PRKCH: variants seen among roughly 807,000 people sequenced by gnomAD.
PRKCH encodes protein kinase C eta type.
In PRKCH, 28 loss-of-function variants were observed where a neutral mutation model predicts 82.5. The observed-to-expected ratio is 0.34, with a 90% CI of 0.25 to 0.47. PRKCH has a LOEUF of 0.47. Ranked by LOEUF, PRKCH falls within the 20% of genes least tolerant of loss-of-function variation. PRKCH has a pLI of 1.00. For synonymous variants in PRKCH, 322 were observed against 327.4 expected (o/e 0.98, Z 0.18); for missense variants, 705 against 881.8 (o/e 0.80, Z 2.54).
At chr14:61,438,766 T>C (rs991947881) in intron 2 of PRKCH, among the ~76,000 whole-genome samples, 5 of 152,246 alleles carry the variant, frequency 3.3e-5, no homozygotes, top group African/African-American at 1.2e-4. Flanking sequence ...TGACTCCTAG[T>C]CACATGTGCT....
At chr14:61,431,778 T>C (rs1163543304) in intron 2 of PRKCH, among the ~76,000 whole-genome samples, 1 of 152,256 alleles carries the variant, frequency 6.6e-6, no homozygotes, top group Admixed American at 6.5e-5. Context: ...CCTTTTATTA[T>C]ACAATCACTT....
At chr14:61,469,603 T>A (rs1279427172) in intron 9 of PRKCH, among the ~76,000 whole-genome samples, 2 of 152,170 alleles carry the variant, frequency 1.3e-5, no homozygotes. Context: ...AATCATACAG[T>A]CTAAAAACCT....
At chr14:61,329,216 TTAGA>T (rs2045746392) in intron 1 of PRKCH, among the ~76,000 whole-genome samples, 1 of 140,322 alleles carries the variant, frequency 7.1e-6, no homozygotes, top group South Asian at 2.5e-4. Flanking sequence ...TCCACTGCTC[TTAGA>T]TAAACTCCTG....
At chr14:61,474,024 A>G (rs1777699553) in intron 9 of PRKCH, among the ~76,000 whole-genome samples, 1 of 152,102 alleles carries the variant, frequency 6.6e-6, no homozygotes, top group African/African-American at 2.4e-5. Context: ...ATCTTTTAGT[A>G]GATGTTTATA....
At chr14:61,355,350 A>T (rs890562830) in intron 1 of PRKCH, among the ~76,000 whole-genome samples, 2 of 152,002 alleles carry the variant, frequency 1.3e-5, no homozygotes, top group Non-Finnish European at 2.9e-5. Flanking sequence ...TATTATTAAA[A>T]ATCCTGTTTC....
At chr14:61,200,898 C>A (rs2044476386) in intron 1 of PRKCH, among the ~76,000 whole-genome samples, 1 of 152,094 alleles carries the variant, frequency 6.6e-6, no homozygotes, top group African/African-American at 2.4e-5. Context: ...AGGTTTCGGG[C>A]ATCCATTGAA....
rs147503367 is a variant in PRKCH at position 61,420,548 on chromosome 14, C to T, written c.428-22563C>T. ...CTCATCCTAACTTCATTCCACAGCT[C>T]AAGTGCAGTGTGAATCAGCAGGCAG... On this transcript the variant is annotated intron_variant, in intron 2 of 13. Transcript: ENST00000332981. Among the ~76,000 whole-genome samples the T allele has an allele frequency of 2.6e-3, 403 of 152,314 alleles. 3 individuals carry two copies. The highest frequency in any genetic ancestry group is 9.0e-3 in the African/African-American group (375 of 41,560).
chr14:61,476,076 C>T (rs917556524), intron 9 of PRKCH, among the ~76,000 whole-genome samples: 1 of 152,214 alleles, frequency 6.6e-6, no homozygotes, highest in Non-Finnish European at 1.5e-5. Flanking sequence ...CTACTTAACT[C>T]TTCCACAAAC....
chr14:61,420,484 T>C (rs11848272), intron 2 of PRKCH, among the ~76,000 whole-genome samples: 1 of 151,992 alleles, frequency 6.6e-6, no homozygotes, highest in South Asian at 2.1e-4. Context: ...GGGAATTTGC[T>C]GCCAGAGGGT....
intron 1 of PRKCH, among the ~76,000 whole-genome samples, chr14:61,241,853 C>A (rs561641364): frequency 6.6e-6 from 1 of 152,096 alleles, no homozygotes; most frequent in African/African-American, 2.4e-5. Flanking sequence ...TTGATAGAAG[C>A]GCGTTTTATG....
intron 1 of PRKCH, among the ~76,000 whole-genome samples, chr14:61,285,454 T>A (rs564984334): frequency 6.6e-6 from 1 of 152,362 alleles, no homozygotes; most frequent in East Asian, 1.9e-4. Context: ...TTAACTTCTC[T>A]GTTCTCATGA....
chr14:61,438,554 C>T (rs139445278), intron 2 of PRKCH, among the ~76,000 whole-genome samples: 1 of 152,222 alleles, frequency 6.6e-6, no homozygotes, highest in East Asian at 1.9e-4. Context: ...ACCATAAATT[C>T]GAGCAGATAG....
At chr14:61,247,735 C>CAAAAAAAAAAAAAAAA (rs202153655) in intron 1 of PRKCH, among the ~76,000 whole-genome samples, 3 of 52,704 alleles carry the variant, frequency 5.7e-5, no homozygotes, top group Admixed American at 3.0e-4. Flanking sequence ...GACTCCATCT[C>CAAAAAAAAAAAAAAAA]AAAAAAAAAA....
At chr14:61,477,940 T>C (rs1376755523) in intron 9 of PRKCH, among the ~76,000 whole-genome samples, 1 of 152,160 alleles carries the variant, frequency 6.6e-6, no homozygotes, top group Non-Finnish European at 1.5e-5. Context: ...AGTGTGTGTG[T>C]ACCTCCGCCA....
intron 1 of PRKCH, among the ~76,000 whole-genome samples, chr14:61,259,548 C>G (rs1055651510): frequency 1.3e-5 from 2 of 152,142 alleles, no homozygotes. Context: ...AAAGGAGATA[C>G]CCATTTAGTC....
intron 10 of PRKCH, among the ~76,000 whole-genome samples, chr14:61,503,873 C>A (rs1389390190): frequency 6.6e-6 from 1 of 152,012 alleles, no homozygotes; most frequent in Non-Finnish European, 1.5e-5. Flanking sequence ...GGGAAAGTGA[C>A]CTGTGTTATA....
At chr14:61,495,650 G>A (rs1886636788) in intron 10 of PRKCH, among the ~76,000 whole-genome samples, 1 of 152,174 alleles carries the variant, frequency 6.6e-6, no homozygotes, top group Non-Finnish European at 1.5e-5. Context: ...CGAGCTTGGG[G>A]TGTTTGTTCT....
intron 2 of PRKCH, among the ~76,000 whole-genome samples, chr14:61,393,278 A>C (rs2140205336): frequency 6.6e-6 from 1 of 152,278 alleles, no homozygotes; most frequent in South Asian, 2.1e-4. Flanking sequence ...TCAGTTTTAG[A>C]GTCAGCTTAT....
rs188905682 is a variant in PRKCH, at chr14:61,427,502, C to T, written c.428-15609C>T. On this transcript the variant is annotated intron_variant, in intron 2 of 13. Transcript: ENST00000332981. Reference sequence around the variant, plus strand: ...CTTTACGGATGCAAATTTTCCTCCACAAAAAGATGCTTTGCAGGGTCATTT... The same window carrying T: ...CTTTACGGATGCAAATTTTCCTCCATAAAAAGATGCTTTGCAGGGTCATTT... 1.1e-3 allele frequency among the ~76,000 whole-genome samples: 175 copies of T among 152,234 alleles called. 2 individuals carry two copies. Among genetic ancestry groups the T allele is most frequent in the African/African-American group, 4.1e-3 (171 of 41,534 alleles).
Sources: allele counts gnomAD v4.1 joint callset (sites outside exome capture counted in the v4.1 genomes callset), GRCh38; gene constraint gnomAD v4.1.1; transcripts MANE v1.5; gene names NCBI Gene and HGNC (gene_info 2026-07-23, HGNC 2026-07-21).